The following LPP variants were observed in gnomAD, a reference collection of about 807,000 sequenced individuals.
LPP encodes the protein lipoma-preferred partner.
LPP carries 38 observed loss-of-function variants against 60.4 expected under a neutral mutation model. That is an observed-to-expected ratio of 0.63 (90% CI 0.49 to 0.83). LPP has a LOEUF of 0.83. Among genes scored for constraint, LPP ranks in the 40% least tolerant of loss-of-function variants. The pLI is 0.00. For synonymous variants in LPP, 328 were observed against 290.8 expected, an observed-to-expected ratio of 1.13 and a Z score of -1.30; for missense variants, 902 against 783.6, an observed-to-expected ratio of 1.15 and a Z score of -1.80.
rs574392563 is a variant in LPP, at chr3:188,882,544, A to G, written c.*8065A>G. 2 of 223,248 alleles carry G rather than the reference A, an allele frequency of 9.0e-6. No homozygotes were observed. Among genetic ancestry groups the G allele is most frequent in the African/African-American group, 4.5e-5 (2 of 44,864 alleles). 13.8% of individuals were successfully genotyped at this position (223,248 alleles called of 1,614,324 possible). The stretch of plus-strand genomic sequence containing the variant: ...TCCATGAACTTTATTATCACAGAAT[A>G]TGAGCATTCTTATTGATCCACAGCT... On this transcript the variant is annotated 3_prime_UTR_variant, in exon 12 of 12. Transcript: ENST00000617246.
chr3:188,872,686 C>A lies in LPP; in HGVS notation c.1633C>A (p.Pro545Thr). The A allele has an allele frequency of 6.2e-7, 1 of 1,614,168 alleles. No individual in the cohort carries two copies. Among genetic ancestry groups the A allele is most frequent in the South Asian group, 1.1e-5 (1 of 91,090 alleles). The part of the protein sequence containing the change: ...RCSVCKEPIM[P>T]APGQEETVRI... ...TTCTGTGTGCAAGGAGCCTATTATGCCAGCCCCGGGCCAGGAGGAGACTGT... is the reference window on the plus strand; with the variant it reads ...TTCTGTGTGCAAGGAGCCTATTATGACAGCCCCGGGCCAGGAGGAGACTGT... Residue 545 changes from proline (P) to threonine (T), a missense_variant, in exon 11 of 12, where the codon CCA becomes ACA. By Grantham distance (38) the Pro-to-Thr change is conservative. Transcript: ENST00000617246.
intron 7 of LPP, among the ~76,000 whole-genome samples, chr3:188,661,388 T>G (rs1428155206): frequency 6.6e-6 from 1 of 151,910 alleles, no homozygotes; most frequent in Non-Finnish European, 1.5e-5. Context: ...ATGGTAAGAG[T>G]ATGTTTAGTT....
At chr3:188,222,455 C>T (rs73057619) in intron 1 of LPP, among the ~76,000 whole-genome samples, 2,467 of 152,236 alleles carry the variant, frequency 0.016, 61 homozygotes, top group African/African-American at 0.054. Flanking sequence ...TGGTTGCATA[C>T]ACCTTGTTGG....
At chr3:188,213,060 C>T (rs908988624) in intron 1 of LPP, 1 of 152,154 alleles carries the variant, frequency 6.6e-6, no homozygotes, top group African/African-American at 2.4e-5. Flanking sequence ...GGTATTTCCT[C>T]TCATCTGAGG....
In LPP at chr3:188,887,751, T is replaced by G. The variant is rs750041204; in HGVS notation, c.*13272T>G. ...AGGAGTATCTTTGATGAAAGACATT[T>G]AGGACCCTAGAAACTAAATCTTGTC... is the stretch of plus-strand genomic sequence containing the variant. On this transcript the variant is annotated 3_prime_UTR_variant, in exon 12 of 12. Coordinates refer to ENST00000617246, the MANE Select transcript of LPP (RefSeq NM_001375462.1). 9.6e-6 allele frequency: 2 copies of G among 209,268 alleles called. No homozygotes were observed. The highest frequency in any genetic ancestry group is 1.9e-5 in the Non-Finnish European group (2 of 102,926). 13.0% of individuals were successfully genotyped at this position (209,268 alleles called of 1,614,324 possible). A position where few individuals can be genotyped will look rare whatever the true frequency, so the allele number is the denominator to read the frequency against.
intron 6 of LPP, among the ~76,000 whole-genome samples, chr3:188,601,468 C>T (rs1281711964): frequency 6.6e-6 from 1 of 152,138 alleles, no homozygotes; most frequent in Admixed American, 6.6e-5. Context: ...CAAACATTAA[C>T]TTCGTCCCTA....
chr3:188,209,055 A>G (rs1280010111), intron 1 of LPP, among the ~76,000 whole-genome samples: 1 of 152,280 alleles, frequency 6.6e-6, no homozygotes, highest in Non-Finnish European at 1.5e-5. Flanking sequence ...TTAATCTCCA[A>G]TTTTCAGGTG....
At chr3:188,430,841 G>T (rs1223633078) in intron 4 of LPP, among the ~76,000 whole-genome samples, 1 of 151,842 alleles carries the variant, frequency 6.6e-6, no homozygotes, top group African/African-American at 2.4e-5. Context: ...GCTCAACATT[G>T]AGATTTTTTT....
intron 3 of LPP, among the ~76,000 whole-genome samples, chr3:188,378,982 C>A (rs1776105206): frequency 6.6e-6 from 1 of 152,086 alleles, no homozygotes; most frequent in Non-Finnish European, 1.5e-5. Flanking sequence ...TGGGCAGGGC[C>A]ACTGCTTACA....
chr3:188,646,469 C>G (rs778459995), intron 7 of LPP, among the ~76,000 whole-genome samples: 2 of 152,136 alleles, frequency 1.3e-5, no homozygotes, highest in East Asian at 1.9e-4. Flanking sequence ...AGTTGGTTCT[C>G]CCTGCATATT....
chr3:188,800,672 G>A (rs1746945075), intron 9 of LPP, among the ~76,000 whole-genome samples: 1 of 152,148 alleles, frequency 6.6e-6, no homozygotes, highest in South Asian at 2.1e-4. Context: ...TCAATGGTAT[G>A]TAAGAATGCC....
intron 2 of LPP, among the ~76,000 whole-genome samples, chr3:188,286,412 T>C (rs1339119534): frequency 1.3e-5 from 2 of 152,178 alleles, no homozygotes; most frequent in Non-Finnish European, 2.9e-5. Context: ...AAGGCAAAAC[T>C]GCTTGTCCTG....
At chr3:188,869,346 A>C (rs1380213780) in intron 10 of LPP, among the ~76,000 whole-genome samples, 1 of 152,166 alleles carries the variant, frequency 6.6e-6, no homozygotes, top group African/African-American at 2.4e-5. Flanking sequence ...GCTGGAATGC[A>C]GTGGCACAAT....
intron 2 of LPP, among the ~76,000 whole-genome samples, chr3:188,284,308 A>C (rs530321501): frequency 6.6e-6 from 1 of 152,186 alleles, no homozygotes; most frequent in Admixed American, 6.5e-5. Context: ...TTAGAAGGGA[A>C]GGTTGAGAAT....
At chr3:188,688,383 C>T (rs991591459) in intron 7 of LPP, among the ~76,000 whole-genome samples, 2 of 152,166 alleles carry the variant, frequency 1.3e-5, no homozygotes, top group African/African-American at 2.4e-5. Flanking sequence ...ATAAATCTAC[C>T]CTTGGTGTTC....
At chr3:188,663,839 A>G (rs1179055144) in intron 7 of LPP, among the ~76,000 whole-genome samples, 1 of 152,118 alleles carries the variant, frequency 6.6e-6, no homozygotes, top group Non-Finnish European at 1.5e-5. Context: ...GGGCATGCAA[A>G]CTAGGTCCCT....
chr3:188,484,818 T>C (rs1805860281), intron 5 of LPP, 114 bp downstream of exon 5: 1 of 774,724 alleles, frequency 1.3e-6, no homozygotes, highest in South Asian at 1.7e-5. Context: ...GATAAACATT[T>C]ATCCAGAGCC....
At chr3:188,396,428 G>C (rs1294439425) in intron 3 of LPP, among the ~76,000 whole-genome samples, 3 of 152,154 alleles carry the variant, frequency 2.0e-5, no homozygotes, top group Non-Finnish European at 4.4e-5. Context: ...CTTGTAAATG[G>C]ATATCTAAAA....
chr3:188,242,736 T>C (rs1225946972), intron 2 of LPP, among the ~76,000 whole-genome samples: 1 of 152,178 alleles, frequency 6.6e-6, no homozygotes, highest in African/African-American at 2.4e-5. Context: ...TCATGCAAAA[T>C]TCATTAAACA....
Sources: gnomAD v4.1 joint callset for allele counts (sites outside exome capture counted in the v4.1 genomes callset) on GRCh38, gnomAD v4.1.1 for gene constraint, MANE v1.5 for transcripts, NCBI Gene and HGNC (gene_info 2026-07-23, HGNC 2026-07-21) for gene names.